EYS: variants seen among roughly 807,000 people sequenced by gnomAD.
EYS encodes protein eyes shut homolog.
EYS carries 250 observed loss-of-function variants against 282.1 expected under a neutral mutation model. That is an observed-to-expected ratio of 0.89 (90% CI 0.80 to 0.98). The LOEUF (loss-of-function observed/expected upper bound fraction) is 0.98, where lower values mean the gene tolerates loss of function less well. Among genes scored for constraint, EYS ranks in the 50% least tolerant of loss-of-function variants. EYS has a pLI of 0.00. For synonymous variants in EYS, 1,355 were observed against 1,282.9 expected (o/e 1.06, Z -1.20); for missense variants, 4,016 against 3,709.0 (o/e 1.08, Z -2.15).
intron 19 of EYS, among the ~76,000 whole-genome samples, chr6:64,823,837 G>A (rs1764971465): frequency 6.6e-6 from 1 of 151,928 alleles, no homozygotes; most frequent in South Asian, 2.1e-4. Flanking sequence ...ACTCTAATAT[G>A]TGCATAAGTT....
At chr6:63,855,660 A>G (rs997379912) in intron 36 of EYS, among the ~76,000 whole-genome samples, 2 of 152,146 alleles carry the variant, frequency 1.3e-5, no homozygotes, top group Non-Finnish European at 2.9e-5. Flanking sequence ...TAGGGTGTCT[A>G]CCTTCATGAA....
chr6:65,684,439 G>C (rs1768937211), intron 1 of EYS, among the ~76,000 whole-genome samples: 1 of 152,000 alleles, frequency 6.6e-6, no homozygotes. Flanking sequence ...AATGTAGAGA[G>C]GACACCCGCC....
intron 26 of EYS, among the ~76,000 whole-genome samples, chr6:64,487,181 C>G (rs1776600468): frequency 6.6e-6 from 1 of 151,052 alleles, no homozygotes; most frequent in Admixed American, 6.6e-5. Flanking sequence ...AGTGCTTTTT[C>G]ATGCTAAGCA....
At chr6:64,119,140 T>G (rs2150272370) in intron 31 of EYS, among the ~76,000 whole-genome samples, 1 of 152,290 alleles carries the variant, frequency 6.6e-6, no homozygotes, top group Non-Finnish European at 1.5e-5. Flanking sequence ...CTGGTTTCCA[T>G]AATCATTTGA....
intron 31 of EYS, among the ~76,000 whole-genome samples, chr6:64,208,198 G>A (rs1035303885): frequency 2.0e-5 from 3 of 152,124 alleles, no homozygotes; most frequent in Admixed American, 2.0e-4. Context: ...AGAATTCTGT[G>A]TCATTCCTGT....
chr6:63,993,373 A>AT (rs1767691298), intron 34 of EYS, among the ~76,000 whole-genome samples: 1 of 151,768 alleles, frequency 6.6e-6, no homozygotes, highest in Non-Finnish European at 1.5e-5. Context: ...AAGTAAAATT[A>AT]TTTTTTGTTC....
At position 64,904,856 on chromosome 6, in the gene EYS, T is replaced by C. The variant is rs550699328; in HGVS notation, c.2642-2356A>G. ...TTTATTAAGTTTGACATTTCTGAGATGGAGTTTTGTTACCAGCTAGCAACA... is the reference window on the plus strand; with the variant it reads ...TTTATTAAGTTTGACATTTCTGAGACGGAGTTTTGTTACCAGCTAGCAACA... On this transcript the variant is annotated intron_variant, in intron 16 of 42. Transcript: ENST00000503581. Among the ~76,000 whole-genome samples, 4 of 152,276 alleles carry C rather than the reference T, an allele frequency of 2.6e-5. No individual in the cohort carries two copies. In the South Asian group the frequency reaches 8.3e-4, roughly 32 times the overall value.
intron 19 of EYS, among the ~76,000 whole-genome samples, chr6:64,862,959 G>A (rs529070896): frequency 6.6e-6 from 1 of 152,038 alleles, no homozygotes; most frequent in Admixed American, 6.6e-5. Context: ...AGTTGTGTTG[G>A]GATTTTGGAA....
Position 64,591,882 on chromosome 6 carries a change from CAA to C in EYS, c.3983_3984del (p.Ile1328SerfsTer3). On this transcript the variant is annotated frameshift_variant, in exon 26 of 43. Transcript: ENST00000503581. LOFTEE classifies it high-confidence loss of function. ...PLESYLLQEL[I>X]VTRELSAKHS... ...TGTTTTGCTGAAAGCTCTCTAGTGA[CAA>C]TCAGTTCTTGGAGTAAGTAGCTTTC... 5 of 1,550,962 alleles carry C rather than the reference CAA, an allele frequency of 3.2e-6. No individual in the cohort carries two copies. The African/African-American group carries it at 6.8e-5, about 21-fold the overall frequency.
intron 12 of EYS, among the ~76,000 whole-genome samples, chr6:65,180,622 C>T (rs1178576139): frequency 2.0e-5 from 3 of 152,050 alleles, no homozygotes; most frequent in Admixed American, 6.6e-5. Flanking sequence ...GTGAAAATGG[C>T]CATACTGACC....
chr6:64,518,530 T>C (rs1723716151), intron 26 of EYS, among the ~76,000 whole-genome samples: 2 of 151,840 alleles, frequency 1.3e-5, no homozygotes, highest in South Asian at 4.1e-4. Context: ...ATAAACAAAG[T>C]ATATTTTATC....
At chr6:64,523,879 T>C (rs773203253) in intron 26 of EYS, among the ~76,000 whole-genome samples, 8 of 151,728 alleles carry the variant, frequency 5.3e-5, no homozygotes, top group Non-Finnish European at 1.2e-4. Flanking sequence ...ATTTAAAAAG[T>C]TTAGCCAAAA....
intron 22 of EYS, among the ~76,000 whole-genome samples, chr6:64,726,174 A>G (rs777697351): frequency 1.3e-5 from 2 of 148,598 alleles, no homozygotes; most frequent in Non-Finnish European, 3.0e-5. Context: ...TTCAAATCTC[A>G]CTCTTCTTTT....
At chr6:63,952,478 C>T (rs1040775986) in intron 35 of EYS, among the ~76,000 whole-genome samples, 1 of 152,070 alleles carries the variant, frequency 6.6e-6, no homozygotes, top group Admixed American at 6.6e-5. Context: ...TCCACATTAC[C>T]TTTTTTTCAA....
At chr6:65,638,753 G>T (rs1324427947) in intron 2 of EYS, among the ~76,000 whole-genome samples, 1 of 152,194 alleles carries the variant, frequency 6.6e-6, no homozygotes, top group Non-Finnish European at 1.5e-5. Flanking sequence ...GCCACTCCAT[G>T]CCTGGCTTAC....
intron 31 of EYS, among the ~76,000 whole-genome samples, chr6:64,112,162 A>G (rs114211938): frequency 0.042 from 6,409 of 152,158 alleles, 393 homozygotes; most frequent in African/African-American, 0.14. Context: ...GAGAGAAGGC[A>G]AATTATATAA....
intron 8 of EYS, among the ~76,000 whole-genome samples, chr6:65,378,637 A>C (rs949572980): frequency 6.6e-6 from 1 of 152,194 alleles, no homozygotes; most frequent in African/African-American, 2.4e-5. Context: ...ACCAACCCAA[A>C]TGCCCATCAA....
chr6:64,273,568 A>G (rs113246578), intron 30 of EYS, among the ~76,000 whole-genome samples: 36 of 152,100 alleles, frequency 2.4e-4, no homozygotes, highest in African/African-American at 7.2e-4. Flanking sequence ...GAGGACTACT[A>G]TCCTAAGTTA....
At chr6:63,842,130 T>A (rs1404905953) in intron 36 of EYS, among the ~76,000 whole-genome samples, 4 of 152,222 alleles carry the variant, frequency 2.6e-5, no homozygotes, top group Admixed American at 2.6e-4. Context: ...ACACCAGTAA[T>A]AAGATTGCTG....
Sources: gnomAD v4.1 joint callset for allele counts (sites outside exome capture counted in the v4.1 genomes callset) on GRCh38, gnomAD v4.1.1 for gene constraint, MANE v1.5 for transcripts, NCBI Gene and HGNC (gene_info 2026-07-23, HGNC 2026-07-21) for gene names.